The following PKHD1L1 variants were observed in gnomAD, a reference collection of about 807,000 sequenced individuals.
PKHD1L1 encodes the protein PKHD1 like 1, also known as fibrocystin-L.
In PKHD1L1, 434 loss-of-function variants were observed where a neutral mutation model predicts 462.9. The observed-to-expected ratio is 0.94, with a 90% CI of 0.87 to 1.02. PKHD1L1 has a LOEUF of 1.02. PKHD1L1 is among the 50% of genes least tolerant of loss of function. The pLI, the probability that PKHD1L1 is intolerant of heterozygous loss-of-function variation, is 0.00. For synonymous variants in PKHD1L1, 1,781 were observed against 1,750.0 expected, an observed-to-expected ratio of 1.02 and a Z score of -0.44; for missense variants, 5,202 against 5,096.1, an observed-to-expected ratio of 1.02 and a Z score of -0.63.
At chr8:109,385,439 G>A (rs1812389401) in intron 5 of PKHD1L1, 98 bp from the exon 6 acceptor site, 2 of 703,346 alleles carry the variant, frequency 2.8e-6, no homozygotes, top group Non-Finnish European at 4.6e-6. Context: ...AAGTGTCTGG[G>A]TCCTGGTTTT....
Position 109,479,987 on chromosome 8 carries a change from A to C in PKHD1L1, c.9179-4A>C. The C allele has an allele frequency of 6.4e-7, 1 of 1,561,548 alleles. No homozygotes were observed. The highest frequency in any genetic ancestry group is 8.6e-7 in the Non-Finnish European group (1 of 1,161,082). ...GTTATATTTCTTAAAGTATTGTTTTATAGGAACATGGATTGTAGCTGACAT... is the reference window on the plus strand; with the variant it reads ...GTTATATTTCTTAAAGTATTGTTTTCTAGGAACATGGATTGTAGCTGACAT... On this transcript the variant is annotated splice_polypyrimidine_tract_variant and splice_region_variant and intron_variant, in intron 54 of 77. Coordinates refer to ENST00000378402, the MANE Select transcript of PKHD1L1 (RefSeq NM_177531.6).
At chr8:109,370,577 A>G (rs1811452406) in intron 2 of PKHD1L1, among the ~76,000 whole-genome samples, 1 of 151,964 alleles carries the variant, frequency 6.6e-6, no homozygotes, top group Non-Finnish European at 1.5e-5. Context: ...TTACATATGT[A>G]TACATGTGCC....
chr8:109,425,232 G>C lies in PKHD1L1; in HGVS notation c.2845G>C (p.Gly949Arg), dbSNP rs1814680604. The C allele has an allele frequency of 5.1e-6, 8 of 1,570,574 alleles. No homozygotes were observed. The highest frequency in any genetic ancestry group is 6.9e-6 in the Non-Finnish European group (8 of 1,163,878). Residue 949 changes from glycine to arginine, a missense_variant and splice_region_variant, in exon 24 of 78, where the codon GGC (glycine) becomes CGC (arginine). By Grantham distance (125) the Gly-to-Arg change is moderately radical (BLOSUM62 -2). This residue lies in a region of PKHD1L1 where 4,497 missense variants were observed against 4,336.8 expected (regional missense o/e 1.04). Coordinates refer to ENST00000378402, the MANE Select transcript of PKHD1L1 (RefSeq NM_177531.6). ...DIQAYGHILK[G>R]LPAAVSAADL... ...TCAAGCTTATGGACATATTCTTAAA[G>C]GTATATGAAAAAAATTTAAAATATT... is the stretch of plus-strand genomic sequence containing the variant.
intron 2 of PKHD1L1, among the ~76,000 whole-genome samples, chr8:109,371,532 G>T (rs1479930132): frequency 1.3e-5 from 2 of 149,510 alleles, no homozygotes; most frequent in African/African-American, 2.5e-5. Context: ...GTCAATTTTG[G>T]CTTTTGTTGC....
Position 109,522,357 on chromosome 8 carries a change from A to G in PKHD1L1, c.12183+20A>G. ...ATTAAGGTAAGAAAATGCAACTAGA[A>G]AAAATGCATTTTTTGGGACTTAAAA... On this transcript the variant is annotated intron_variant, in intron 74 of 77. Coordinates refer to ENST00000378402, the MANE Select transcript of PKHD1L1 (RefSeq NM_177531.6). The G allele has an allele frequency of 6.6e-7, 1 of 1,514,714 alleles. No individual in the cohort carries two copies. The highest frequency in any genetic ancestry group is 8.9e-7 in the Non-Finnish European group (1 of 1,129,628). 93.8% of individuals were successfully genotyped at this position (1,514,714 alleles called of 1,614,324 possible).
At position 109,426,985 on chromosome 8, in the gene PKHD1L1, C is replaced by T. The variant is rs1814785642; in HGVS notation, c.2846-17C>T. 10 of 1,324,978 alleles carry T rather than the reference C, an allele frequency of 7.5e-6. No homozygotes were observed. In the East Asian group the frequency reaches 2.1e-4, roughly 27 times the overall value. The allele number at this position is 1,324,978 out of a possible 1,614,324, so 82.1% of individuals were successfully genotyped here. ...GAATTGTGACTCCTGCTGTTTGCCA[C>T]CCCTCTGTGAGTGCAGGCCTCCCCG... On this transcript the variant is annotated splice_polypyrimidine_tract_variant and intron_variant, in intron 24 of 77. Transcript: ENST00000378402.
In PKHD1L1 at chr8:109,464,946, A is replaced by C; in HGVS notation, c.8114A>C (p.Lys2705Thr). ...GGTGAAACCAATGGAGCGGTGATTAAAAATGCCAAAATAGTCGGCCATCTT... is the reference window on the plus strand; with the variant it reads ...GGTGAAACCAATGGAGCGGTGATTACAAATGCCAAAATAGTCGGCCATCTT... ...GWGETNGAVI[K>T]NAKIVGHLDE... The change falls in exon 49 of 78, where the codon AAA (lysine) becomes ACA (threonine). Residue 2705 changes from lysine (K) to threonine (T), a missense_variant. Coordinates refer to ENST00000378402, the MANE Select transcript of PKHD1L1 (RefSeq NM_177531.6). 1 of 1,613,856 alleles carries C rather than the reference A, an allele frequency of 6.2e-7. No individual in the cohort carries two copies.
intron 35 of PKHD1L1, among the ~76,000 whole-genome samples, chr8:109,442,478 A>T (rs1276890010): frequency 1.3e-5 from 2 of 152,192 alleles, no homozygotes; most frequent in East Asian, 3.8e-4. Flanking sequence ...ATAAAATAGG[A>T]ATATATGTTT....
chr8:109,486,863 A>C (rs928301609), intron 59 of PKHD1L1, 42 bp downstream of exon 59: 10 of 1,546,222 alleles, frequency 6.5e-6, no homozygotes, highest in Non-Finnish European at 8.9e-6. Flanking sequence ...GAGCTATAAC[A>C]TTATCTCATC....
At chr8:109,457,439 A>G (rs1816886630) in intron 46 of PKHD1L1, among the ~76,000 whole-genome samples, 1 of 152,196 alleles carries the variant, frequency 6.6e-6, no homozygotes, top group South Asian at 2.1e-4. Context: ...GGTTTAGAAT[A>G]GGGCTATTTA....
At chr8:109,397,920 T>A (rs1190459678) in intron 11 of PKHD1L1, among the ~76,000 whole-genome samples, 1 of 152,216 alleles carries the variant, frequency 6.6e-6, no homozygotes, top group African/African-American at 2.4e-5. Flanking sequence ...CTAATTGTGC[T>A]TATGTAAAAG....
Position 109,475,335 on chromosome 8 carries a change from C to T in PKHD1L1, c.8757+66C>T, listed in dbSNP as rs956288743. On this transcript the variant is annotated intron_variant, in intron 51 of 77. Coordinates refer to ENST00000378402, the MANE Select transcript of PKHD1L1 (RefSeq NM_177531.6). ...CCCAAACACAGCCTACATCCTCATACTTACTCACAGACATTGTCAGGCCAG... is the reference window on the plus strand; with the variant it reads ...CCCAAACACAGCCTACATCCTCATATTTACTCACAGACATTGTCAGGCCAG... 29 of 1,245,160 alleles carry T rather than the reference C, an allele frequency of 2.3e-5. No individual in the cohort carries two copies. The African/African-American group carries it at 3.8e-4, about 16-fold the overall frequency. The allele number at this position is 1,245,160 out of a possible 1,614,324, so 77.1% of individuals were successfully genotyped here.
At chr8:109,491,178 C>A in intron 61 of PKHD1L1, 77 bp downstream of exon 61, 1 of 1,340,186 alleles carries the variant, frequency 7.5e-7, no homozygotes. Flanking sequence ...AGCTACACTG[C>A]CCAATTGATC....
At chr8:109,376,496 C>T (rs1257491531) in intron 2 of PKHD1L1, among the ~76,000 whole-genome samples, 2 of 152,154 alleles carry the variant, frequency 1.3e-5, no homozygotes, top group Admixed American at 6.5e-5. Flanking sequence ...CAGTGCGCTG[C>T]ACCCACTGTC....
chr8:109,464,328 A>G lies in PKHD1L1; in HGVS notation c.7496A>G (p.Tyr2499Cys), dbSNP rs751294174. The G allele has an allele frequency of 2.5e-6, 4 of 1,613,368 alleles. No individual in the cohort carries two copies. The highest frequency in any genetic ancestry group is 1.7e-6 in the Non-Finnish European group (2 of 1,179,556). ...AGAGGCTGTGCAATTCACCAGGCCT[A>G]TAACAGAGCTGTTACTATTCATAAC... ...YVRGCAIHQA[Y>C]NRAVTIHNTH... Residue 2499 changes from tyrosine (Y) to cysteine (C), a missense_variant, in exon 49 of 78, where the codon TAT (tyrosine) becomes TGT (cysteine). Transcript: ENST00000378402.
intron 37 of PKHD1L1, 89 bp downstream of exon 37, chr8:109,443,991 G>C: frequency 1.8e-6 from 2 of 1,112,648 alleles, no homozygotes; most frequent in East Asian, 2.4e-5. Flanking sequence ...ATTTTTACCA[G>C]CTTTATTGAG....
intron 55 of PKHD1L1, 35 bp from the exon 56 acceptor site, chr8:109,481,398 T>C (rs187550420): frequency 3.9e-6 from 6 of 1,531,452 alleles, no homozygotes; most frequent in Non-Finnish European, 5.3e-6. Flanking sequence ...TCCTGGTCAA[T>C]TTTTAAGTAT....
intron 50 of PKHD1L1, chr8:109,470,764 G>A: frequency 1.3e-6 from 2 of 1,539,160 alleles, no homozygotes; most frequent in Non-Finnish European, 8.9e-7. Context: ...TGGTAGGGAG[G>A]ACTGTTTTTT....
At chr8:109,451,987 C>A in intron 41 of PKHD1L1, 137 bp from the exon 42 acceptor site, 1 of 670,178 alleles carries the variant, frequency 1.5e-6, no homozygotes, top group Non-Finnish European at 2.3e-6. Context: ...TGAAAAAAAG[C>A]ATCAATCTAC....
Sources: gnomAD v4.1 joint callset for allele counts (sites outside exome capture counted in the v4.1 genomes callset) on GRCh38, gnomAD v4.1.1 for gene constraint, gnomAD v4.1.1 regional missense constraint, MANE v1.5 for transcripts, NCBI Gene and HGNC (gene_info 2026-07-23, HGNC 2026-07-21) for gene names.